The following MYZAP variants were observed in gnomAD, a reference collection of about 807,000 sequenced individuals.
The protein encoded by MYZAP is myocardial zonula adherens protein, also known as GRINL1A complex locus upstream.
A neutral mutation model predicts 69.4 loss-of-function variants in MYZAP; 66 were observed. The ratio of observed to expected loss-of-function variants is 0.95; its 90% CI spans 0.78 to 1.17. The LOEUF is 1.17. MYZAP is among the 50% of genes most tolerant of loss of function. The pLI is 0.00. For synonymous variants in MYZAP, 256 were observed against 205.9 expected, an observed-to-expected ratio of 1.24 and a Z score of -2.09; for missense variants, 611 against 556.2, an observed-to-expected ratio of 1.10 and a Z score of -0.99.
intron 11 of MYZAP, among the ~76,000 whole-genome samples, chr15:57,663,275 G>A (rs2140557497): frequency 6.6e-6 from 1 of 151,826 alleles, no homozygotes; most frequent in South Asian, 2.1e-4. Flanking sequence ...AATGTCCAAG[G>A]GAATATTGCA....
At chr15:57,610,297 G>A (rs1208928562) in intron 2 of MYZAP, among the ~76,000 whole-genome samples, 1 of 152,222 alleles carries the variant, frequency 6.6e-6, no homozygotes, top group Admixed American at 6.5e-5. Context: ...GGAAGTCCTT[G>A]CCAGTAGGTT....
At chr15:57,617,711 G>A (rs1451147928) in intron 2 of MYZAP, among the ~76,000 whole-genome samples, 4 of 152,186 alleles carry the variant, frequency 2.6e-5, no homozygotes, top group African/African-American at 9.7e-5. Context: ...TTAAGAGCAT[G>A]AGGTTTCAAA....
intron 7 of MYZAP, 48 bp from the exon 8 acceptor site, chr15:57,633,565 G>T (rs767003871): frequency 1.3e-6 from 2 of 1,565,352 alleles, no homozygotes; most frequent in East Asian, 4.6e-5. Context: ...CCGGTGAGTA[G>T]CCTCGGTACT....
intron 8 of MYZAP, among the ~76,000 whole-genome samples, chr15:57,635,779 A>G (rs1211763609): frequency 1.3e-5 from 2 of 152,254 alleles, no homozygotes; most frequent in Non-Finnish European, 2.9e-5. Context: ...GTGGCAGTGT[A>G]CGTATCCTGC....
chr15:57,655,147 C>T (rs1334275812), intron 10 of MYZAP, among the ~76,000 whole-genome samples: 1 of 152,062 alleles, frequency 6.6e-6, no homozygotes, highest in Non-Finnish European at 1.5e-5. Flanking sequence ...GCCTGGAGGA[C>T]TTGGAAAGCG....
chr15:57,604,814 T>C (rs2034644115), intron 2 of MYZAP, among the ~76,000 whole-genome samples: 1 of 152,170 alleles, frequency 6.6e-6, no homozygotes, highest in South Asian at 2.1e-4. Flanking sequence ...AAAGGGCACT[T>C]TCTTGGCTGG....
chr15:57,651,603 C>G (rs2037730314), intron 10 of MYZAP, among the ~76,000 whole-genome samples: 1 of 152,220 alleles, frequency 6.6e-6, no homozygotes, highest in South Asian at 2.1e-4. Flanking sequence ...CTTGCCCTCA[C>G]AGATGCTTAC....
chr15:57,638,398 G>T (rs2036941207), intron 9 of MYZAP, among the ~76,000 whole-genome samples: 1 of 152,152 alleles, frequency 6.6e-6, no homozygotes, highest in Non-Finnish European at 1.5e-5. Context: ...GTATGACGGT[G>T]ATAACAGTGC....
Position 57,639,482 on chromosome 15 carries a change from G to T in MYZAP, c.1056G>T (p.Arg352=). The change falls in exon 10 of 13, where the codon CGG becomes CGT. Residue 352 remains arginine (R), a synonymous_variant. Coordinates refer to ENST00000267853, the MANE Select transcript of MYZAP (RefSeq NM_001018100.5). ...AGGCATCAGCCAGCCTCCGTGAGCGGATCAGACACCTAGATGACATGGTGC... is the reference window on the plus strand; with the variant it reads ...AGGCATCAGCCAGCCTCCGTGAGCGTATCAGACACCTAGATGACATGGTGC... ...LEEASASLRE[R]IRHLDDMVHC... The T allele has an allele frequency of 6.2e-7, 1 of 1,614,150 alleles. No homozygotes were observed. The highest frequency in any genetic ancestry group is 8.5e-7 in the Non-Finnish European group (1 of 1,180,004).
At chr15:57,618,625 C>T (rs1339495143) in intron 3 of MYZAP, among the ~76,000 whole-genome samples, 1 of 152,144 alleles carries the variant, frequency 6.6e-6, no homozygotes, top group African/African-American at 2.4e-5. Context: ...CCAATCAATG[C>T]CATTTCCTTG....
intron 1 of MYZAP, among the ~76,000 whole-genome samples, chr15:57,593,853 A>T (rs775758323): frequency 6.6e-6 from 1 of 152,130 alleles, no homozygotes; most frequent in South Asian, 2.1e-4. Flanking sequence ...CAGATGTTAC[A>T]AGTACTATCT....
intron 11 of MYZAP, among the ~76,000 whole-genome samples, chr15:57,673,474 G>A (rs2038971649): frequency 7.5e-6 from 1 of 134,020 alleles, no homozygotes; most frequent in Non-Finnish European, 1.5e-5. Context: ...GTGTGTGTGT[G>A]TGTGTGTGTG....
chr15:57,645,985 G>A (rs1369984884), intron 10 of MYZAP, among the ~76,000 whole-genome samples: 21 of 152,358 alleles, frequency 1.4e-4, no homozygotes, highest in South Asian at 1.0e-3. Context: ...GTGCTGAAAT[G>A]TGCAACACAC....
intron 8 of MYZAP, 26 bp downstream of exon 8, chr15:57,633,767 C>G: frequency 6.7e-7 from 1 of 1,498,742 alleles, no homozygotes; most frequent in Non-Finnish European, 8.9e-7. Context: ...GGGCCTATTG[C>G]CCACTTGCCC....
chr15:57,642,341 G>A (rs909225936), intron 10 of MYZAP, among the ~76,000 whole-genome samples: 2 of 152,164 alleles, frequency 1.3e-5, no homozygotes, highest in African/African-American at 2.4e-5. Flanking sequence ...CAGCAAAGTC[G>A]TAACTAAATC....
At chr15:57,647,824 G>C (rs754680228) in intron 10 of MYZAP, 2 of 985,398 alleles carry the variant, frequency 2.0e-6, no homozygotes, top group African/African-American at 1.7e-5. Flanking sequence ...GCCTGCTCTT[G>C]TCTGCCTTTG....
intron 10 of MYZAP, among the ~76,000 whole-genome samples, chr15:57,644,747 T>A (rs1249538918): frequency 6.6e-6 from 1 of 152,218 alleles, no homozygotes; most frequent in East Asian, 1.9e-4. Context: ...ATTACAGGCG[T>A]GAGCCACTAC....
At chr15:57,667,159 T>C (rs1238487286) in intron 11 of MYZAP, among the ~76,000 whole-genome samples, 1 of 152,196 alleles carries the variant, frequency 6.6e-6, no homozygotes, top group Admixed American at 6.5e-5. Flanking sequence ...GTGTCTGTTA[T>C]GCATTCTTGC....
intron 5 of MYZAP, among the ~76,000 whole-genome samples, chr15:57,627,835 C>T (rs552633203): frequency 1.3e-5 from 2 of 152,118 alleles, no homozygotes; most frequent in East Asian, 3.9e-4. Context: ...CGAGTAGAAT[C>T]TGTGAAGCCA....
Sources: gnomAD v4.1 joint callset for allele counts (sites outside exome capture counted in the v4.1 genomes callset) on GRCh38, gnomAD v4.1.1 for gene constraint, MANE v1.5 for transcripts, NCBI Gene and HGNC (gene_info 2026-07-23, HGNC 2026-07-21) for gene names.